The following SEC24D variants were observed in gnomAD, a reference collection of about 807,000 sequenced individuals.
SEC24D encodes the protein SEC24 homolog D, COPII component.
A neutral mutation model predicts 116.9 loss-of-function variants in SEC24D; 69 were observed. The ratio of observed to expected loss-of-function variants is 0.59; its 90% CI spans 0.49 to 0.72. The LOEUF (loss-of-function observed/expected upper bound fraction) is 0.72. Among genes scored for constraint, SEC24D ranks in the 30% least tolerant of loss-of-function variants. The pLI, the probability that SEC24D is intolerant of heterozygous loss-of-function variation, is 0.00. For missense variants in SEC24D, 1,131 were observed against 1,264.1 expected (o/e 0.89, Z 1.60); for synonymous variants, 405 against 442.8 (o/e 0.91, Z 1.07).
At chr4:118,802,359 C>G (rs56303276) in intron 7 of SEC24D, among the ~76,000 whole-genome samples, 1 of 152,162 alleles carries the variant, frequency 6.6e-6, no homozygotes, top group South Asian at 2.1e-4. Flanking sequence ...GCCACTTAAC[C>G]TCCCTGGGCC....
chr4:118,768,497 C>T (rs1031939829), intron 8 of SEC24D, among the ~76,000 whole-genome samples, 186 bp from the exon 9 acceptor site: 3 of 150,062 alleles, frequency 2.0e-5, no homozygotes, highest in Admixed American at 6.7e-5. Context: ...AGGGTTCAAG[C>T]GATTCTCCTG....
chr4:118,752,907 G>T lies in SEC24D; in HGVS notation c.1422-19C>A. ...CTCTTCCCTGTAAGGAAAAAAAAAAGTGTTTGAGATGCTTTATAAATTTAG... is the reference window on the plus strand; with the variant it reads ...CTCTTCCCTGTAAGGAAAAAAAAAATTGTTTGAGATGCTTTATAAATTTAG... On this transcript the variant is annotated intron_variant, in intron 11 of 22. Coordinates refer to ENST00000280551, the MANE Select transcript of SEC24D (RefSeq NM_014822.4). 7.7e-7 allele frequency: 1 copy of T among 1,291,118 alleles called. No individual in the cohort carries two copies. The highest frequency in any genetic ancestry group is 1.4e-5 in the South Asian group (1 of 71,074). 80.0% of individuals were successfully genotyped at this position (1,291,118 alleles called of 1,614,324 possible).
chr4:118,824,917 T>G (rs1426234508), intron 2 of SEC24D, among the ~76,000 whole-genome samples, 168 bp from the exon 3 acceptor site: 1 of 152,212 alleles, frequency 6.6e-6, no homozygotes, highest in Non-Finnish European at 1.5e-5. Flanking sequence ...AATACCAGGC[T>G]CTGGCATGAG....
At position 118,776,221 on chromosome 4, in the gene SEC24D, G is replaced by C. The variant is rs928917733; in HGVS notation, c.1042-7910C>G. ...TGCCAGTTCTATCACAGAAGATCTG[G>C]GTGTGATGAACCCTAATGTGCTTTT... On this transcript the variant is annotated intron_variant, in intron 8 of 22. Coordinates refer to ENST00000280551, the MANE Select transcript of SEC24D (RefSeq NM_014822.4). 3.9e-5 allele frequency among the ~76,000 whole-genome samples: 6 copies of C among 152,086 alleles called. No homozygotes were observed. In the South Asian group the frequency reaches 8.3e-4, roughly 21 times the overall value.
At chr4:118,780,301 T>A (rs528143749) in intron 8 of SEC24D, among the ~76,000 whole-genome samples, 1 of 152,330 alleles carries the variant, frequency 6.6e-6, no homozygotes, top group South Asian at 2.1e-4. Flanking sequence ...GCACATTGTG[T>A]CTTTGTTCTC....
At chr4:118,806,358 G>A (rs1329314812) in intron 6 of SEC24D, among the ~76,000 whole-genome samples, 1 of 151,208 alleles carries the variant, frequency 6.6e-6, no homozygotes, top group African/African-American at 2.4e-5. Context: ...TTTTTGAGAT[G>A]GGGGTCTCAC....
chr4:118,792,602 T>G (rs542446164), intron 8 of SEC24D, among the ~76,000 whole-genome samples: 1 of 152,338 alleles, frequency 6.6e-6, no homozygotes, highest in African/African-American at 2.4e-5. Context: ...CCCAACCCCG[T>G]GCTCTCTGAA....
Position 118,787,112 on chromosome 4 carries a change from G to A in SEC24D, c.1041+10571C>T, listed in dbSNP as rs1230703280. On this transcript the variant is annotated intron_variant, in intron 8 of 22. Transcript: ENST00000280551. Reference sequence around the variant, plus strand: ...AGGGATAATATTCTGTTCTTCAGCTGCCAAACTTTTTCATAGTACTTTTTC... The same window carrying A: ...AGGGATAATATTCTGTTCTTCAGCTACCAAACTTTTTCATAGTACTTTTTC... 2.0e-5 allele frequency among the ~76,000 whole-genome samples: 3 copies of A among 152,166 alleles called. No homozygotes were observed. In the East Asian group the frequency reaches 5.8e-4, roughly 29 times the overall value.
chr4:118,753,416 G>T (rs1279789076), intron 11 of SEC24D, among the ~76,000 whole-genome samples: 1 of 151,886 alleles, frequency 6.6e-6, no homozygotes, highest in Non-Finnish European at 1.5e-5. Flanking sequence ...TAGATTTGGG[G>T]AACTATATAC....
intron 2 of SEC24D, among the ~76,000 whole-genome samples, chr4:118,832,719 C>T (rs1398844136): frequency 6.6e-6 from 1 of 152,040 alleles, no homozygotes; most frequent in Non-Finnish European, 1.5e-5. Flanking sequence ...TAAGACAATA[C>T]AGGAAAAGCT....
At chr4:118,807,387 T>C (rs1729720339) in intron 6 of SEC24D, among the ~76,000 whole-genome samples, 1 of 152,146 alleles carries the variant, frequency 6.6e-6, no homozygotes, top group South Asian at 2.1e-4. Flanking sequence ...TCTAGTAGTG[T>C]GGAGTTAAAA....
intron 11 of SEC24D, among the ~76,000 whole-genome samples, chr4:118,755,464 C>CAAAAAAAAAAAAAAAAAAAAA (rs34008479): frequency 4.7e-5 from 4 of 85,116 alleles, no homozygotes; most frequent in African/African-American, 7.8e-5. Flanking sequence ...AACAAACAGA[C>CAAAAAAAAAAAAAAAAAAAAA]AAAAAAAAAA....
chr4:118,823,528 G>A (rs1271090980), intron 3 of SEC24D, among the ~76,000 whole-genome samples: 2 of 152,214 alleles, frequency 1.3e-5, no homozygotes, highest in African/African-American at 2.4e-5. Context: ...GAAGGAACCT[G>A]AGAAATGAAG....
intron 20 of SEC24D, among the ~76,000 whole-genome samples, chr4:118,732,176 C>T (rs1725725169): frequency 6.6e-6 from 1 of 152,110 alleles, no homozygotes; most frequent in African/African-American, 2.4e-5. Flanking sequence ...GAGTCTTGCT[C>T]TGTCACCCAG....
At chr4:118,806,407 C>T (rs1001320025) in intron 6 of SEC24D, among the ~76,000 whole-genome samples, 13 of 151,870 alleles carry the variant, frequency 8.6e-5, no homozygotes, top group Non-Finnish European at 1.3e-4. Flanking sequence ...GCAATCATAG[C>T]TCACTGCAGC....
chr4:118,792,026 C>T (rs1728936653), intron 8 of SEC24D, among the ~76,000 whole-genome samples: 2 of 151,642 alleles, frequency 1.3e-5, no homozygotes, highest in Admixed American at 6.6e-5. Context: ...GGCCTCATCC[C>T]GTCTAGGAAG....
rs1484046950 is a variant in SEC24D, at chr4:118,797,696, A to ATGG, written c.1025_1027dup (p.Thr342dup). 1 of 1,603,816 alleles carries ATGG rather than the reference A, an allele frequency of 6.2e-7. No homozygotes were observed. Among genetic ancestry groups the ATGG allele is most frequent in the East Asian group, 2.2e-5 (1 of 44,786 alleles). On this transcript the variant is annotated inframe_insertion, in exon 8 of 23. Coordinates refer to ENST00000280551, the MANE Select transcript of SEC24D (RefSeq NM_014822.4). ...TATCATTCTTACCTCATTTGAAGGA[A>ATGG]TGGTGGCAAAGGGCTTGATGACAGC...
intron 11 of SEC24D, among the ~76,000 whole-genome samples, chr4:118,753,369 T>C (rs1467912101): frequency 6.6e-6 from 1 of 152,138 alleles, no homozygotes; most frequent in African/African-American, 2.4e-5. Flanking sequence ...CTCTGATTCT[T>C]TTCTTACATA....
In SEC24D at chr4:118,833,710, T is replaced by C; in HGVS notation, c.-14A>G. The C allele has an allele frequency of 6.4e-7, 1 of 1,555,342 alleles. No homozygotes were observed. Among genetic ancestry groups the C allele is most frequent in the Non-Finnish European group, 8.8e-7 (1 of 1,131,418 alleles). ...TTGTTGACTCATTATGAAAATATCA[T>C]TCCATAGGATAATTCTACAAAAGAA... On this transcript the variant is annotated 5_prime_UTR_variant, in exon 2 of 23. It removes an upstream start codon present in the reference 5' UTR. Coordinates refer to ENST00000280551, the MANE Select transcript of SEC24D (RefSeq NM_014822.4).
Sources: gnomAD v4.1 joint callset for allele counts (sites outside exome capture counted in the v4.1 genomes callset) on GRCh38, gnomAD v4.1.1 for gene constraint, MANE v1.5 for transcripts, NCBI Gene and HGNC (gene_info 2026-07-23, HGNC 2026-07-21) for gene names.